AFF3: variants seen among roughly 807,000 people sequenced by gnomAD.
The protein encoded by AFF3 is AF4/FMR2 family member 3.
AFF3 carries 32 observed loss-of-function variants against 129.7 expected under a neutral mutation model. The ratio of observed to expected loss-of-function variants is 0.25; its 90% confidence interval spans 0.19 to 0.33. The LOEUF (loss-of-function observed/expected upper bound fraction) is 0.33, where lower values mean the gene tolerates loss of function less well. Among genes scored for constraint, AFF3 ranks in the 10% least tolerant of loss-of-function variants. The pLI, the probability that AFF3 is intolerant of heterozygous loss-of-function variation, is 1.00. For missense variants in AFF3, 1,373 were observed against 1,592.0 expected (o/e 0.86, Z 2.34); for synonymous variants, 644 against 635.4 (o/e 1.01, Z -0.20).
At chr2:99,578,269 C>T (rs200400099) in intron 18 of AFF3, 58 bp downstream of exon 18, 239 of 1,515,592 alleles carry the variant, frequency 1.6e-4, no homozygotes, top group Non-Finnish European at 2.0e-4. Context: ...GCCCCTTCCA[C>T]CTGAGCAGCT....
Position 100,014,783 on chromosome 2 carries a change from C to CTTTTTTTTTTTTTTTTTTTTT in AFF3, c.54-5852_54-5851insAAAAAAAAAAAAAAAAAAAAA, listed in dbSNP as rs60456923. Among the ~76,000 whole-genome samples, 103 of 120,382 alleles carry CTTTTTTTTTTTTTTTTTTTTT rather than the reference C, an allele frequency of 8.6e-4. 6 individuals are homozygous for CTTTTTTTTTTTTTTTTTTTTT. The highest frequency in any genetic ancestry group is 3.2e-3 in the African/African-American group (96 of 30,118). The allele number at this position is 120,382 out of a possible 152,430, so 79.0% of individuals were successfully genotyped here. A position where few individuals can be genotyped will look rare whatever the true frequency, so the allele number is the denominator to read the frequency against. On this transcript the variant is annotated intron_variant, in intron 4 of 24. Coordinates refer to ENST00000672756, the MANE Select transcript of AFF3 (RefSeq NM_001386135.1). ...CCATACCTCCATACCACCTTGCTTC[C>CTTTTTTTTTTTTTTTTTTTTT]TTTTTTTTTTTTTTTTTTTAGACGG...
At chr2:99,990,154 G>A (rs1044161448) in intron 7 of AFF3, among the ~76,000 whole-genome samples, 4 of 152,172 alleles carry the variant, frequency 2.6e-5, no homozygotes, top group Non-Finnish European at 5.9e-5. Flanking sequence ...CCAGGAAAAG[G>A]ATGAGGAAGT....
At chr2:99,555,584 T>C (rs889808429) in intron 22 of AFF3, among the ~76,000 whole-genome samples, 2 of 152,232 alleles carry the variant, frequency 1.3e-5, no homozygotes, top group Non-Finnish European at 2.9e-5. Context: ...GTTAGGGAAG[T>C]TGCTCAATGC....
intron 11 of AFF3, among the ~76,000 whole-genome samples, chr2:99,675,796 C>T (rs1016752150): frequency 3.3e-5 from 5 of 152,162 alleles, no homozygotes; most frequent in Admixed American, 3.3e-4. Context: ...CAAATGGCAC[C>T]GTGGTGGTCA....
At chr2:99,923,940 C>T (rs940344452) in intron 7 of AFF3, among the ~76,000 whole-genome samples, 1 of 152,080 alleles carries the variant, frequency 6.6e-6, no homozygotes, top group African/African-American at 2.4e-5. Context: ...AGGAAAATCT[C>T]ACTTTAAGGA....
chr2:99,959,548 A>C (rs1677019056), intron 7 of AFF3, among the ~76,000 whole-genome samples: 1 of 151,586 alleles, frequency 6.6e-6, no homozygotes, highest in African/African-American at 2.4e-5. Context: ...TAATGTTCTC[A>C]TCACAGTTAG....
At chr2:99,824,237 TCCC>T (rs1225942206) in intron 8 of AFF3, among the ~76,000 whole-genome samples, 1 of 151,976 alleles carries the variant, frequency 6.6e-6, no homozygotes, top group Non-Finnish European at 1.5e-5. Context: ...TGCCTCAGCC[TCCC>T]CAGTAGCTGG....
intron 7 of AFF3, among the ~76,000 whole-genome samples, chr2:99,926,694 A>G (rs1485846879): frequency 3.3e-5 from 2 of 59,998 alleles, no homozygotes; most frequent in Non-Finnish European, 5.9e-5. Flanking sequence ...GCAAGGGGCA[A>G]GCCTGCCCTG....
At chr2:99,576,706 G>T (rs905883890) in intron 18 of AFF3, among the ~76,000 whole-genome samples, 2 of 152,158 alleles carry the variant, frequency 1.3e-5, no homozygotes, top group Admixed American at 1.3e-4. Context: ...ATGCGGTGGT[G>T]TGAGTACCTC....
intron 7 of AFF3, among the ~76,000 whole-genome samples, chr2:99,874,806 T>C (rs774221947): frequency 3.9e-5 from 6 of 152,184 alleles, no homozygotes; most frequent in Admixed American, 1.3e-4. Flanking sequence ...TCTGTGTTTA[T>C]GTAAGAGCTT....
At chr2:99,583,604 G>A (rs1023733852) in intron 16 of AFF3, among the ~76,000 whole-genome samples, 2 of 152,112 alleles carry the variant, frequency 1.3e-5, no homozygotes, top group East Asian at 1.9e-4. Flanking sequence ...AGCTGGTCTC[G>A]AACTCCTGGA....
intron 7 of AFF3, among the ~76,000 whole-genome samples, chr2:99,934,264 A>G (rs973788825): frequency 6.6e-6 from 1 of 152,174 alleles, no homozygotes; most frequent in African/African-American, 2.4e-5. Context: ...GTGGTTTGAC[A>G]TGTTTAGTTC....
intron 5 of AFF3, chr2:100,007,698 C>T (rs966196266): frequency 7.8e-6 from 4 of 510,074 alleles, no homozygotes; most frequent in South Asian, 7.1e-5. Flanking sequence ...CGGCCGGGCG[C>T]GGTGGCTGGC....
chr2:99,820,964 C>T (rs918026210), intron 8 of AFF3, among the ~76,000 whole-genome samples: 5 of 150,452 alleles, frequency 3.3e-5, no homozygotes, highest in African/African-American at 1.2e-4. Context: ...CCTCTGCCTC[C>T]CAGGTTCAAG....
rs536858761 is a variant in AFF3, at chr2:99,995,088, C to T, written c.873+11544G>A. Among the ~76,000 whole-genome samples the T allele has an allele frequency of 1.1e-4, 16 of 152,216 alleles. No homozygotes were observed. In the South Asian group the frequency reaches 2.1e-3, roughly 20 times the overall value. On this transcript the variant is annotated intron_variant, in intron 7 of 24. Coordinates refer to ENST00000672756, the MANE Select transcript of AFF3 (RefSeq NM_001386135.1). The stretch of plus-strand genomic sequence containing the variant: ...CAGGAATTGAGAAGAAAGGAAGGGG[C>T]ACTTTGGTGGCTGGAGCAGGTGGGG...
At chr2:100,025,384 TGAAA>T (rs1559067909) in intron 4 of AFF3, among the ~76,000 whole-genome samples, 1 of 152,172 alleles carries the variant, frequency 6.6e-6, no homozygotes, top group East Asian at 1.9e-4. Flanking sequence ...AAAACACTGC[TGAAA>T]GAAATCACAG....
intron 3 of AFF3, chr2:100,104,745 GC>G (rs1487734807): frequency 6.5e-6 from 6 of 928,452 alleles, no homozygotes; most frequent in African/African-American, 2.0e-5. Flanking sequence ...CCCGCCCCCG[GC>G]CCTGCGCCCG....
At position 99,752,147 on chromosome 2, in the gene AFF3, G is replaced by A. The variant is rs1460267648; in HGVS notation, c.1002+74C>T. On this transcript the variant is annotated intron_variant, in intron 9 of 24. Transcript: ENST00000672756. ...TATTTACAGAAGAAAAGACAATCACGGGTAAAGCCCACTGCCCACTAGAAA... is the reference window on the plus strand; with the variant it reads ...TATTTACAGAAGAAAAGACAATCACAGGTAAAGCCCACTGCCCACTAGAAA... The A allele has an allele frequency of 1.0e-5, 13 of 1,300,006 alleles. No individual in the cohort carries two copies. In the East Asian group the frequency reaches 1.9e-4, roughly 19 times the overall value. 80.5% of individuals were successfully genotyped at this position (1,300,006 alleles called of 1,614,324 possible).
chr2:99,908,721 A>G (rs1694898428), intron 7 of AFF3, among the ~76,000 whole-genome samples: 1 of 152,254 alleles, frequency 6.6e-6, no homozygotes, highest in Non-Finnish European at 1.5e-5. Context: ...AACACATGAA[A>G]AAATGCTCAT....
Sources: gnomAD v4.1 joint callset for allele counts (sites outside exome capture counted in the v4.1 genomes callset) on GRCh38, gnomAD v4.1.1 for gene constraint, MANE v1.5 for transcripts, NCBI Gene and HGNC (gene_info 2026-07-23, HGNC 2026-07-21) for gene names.